IL1RAPL1: variants seen among roughly 807,000 people sequenced by gnomAD.
IL1RAPL1 encodes the protein interleukin-1 receptor accessory protein-like 1.
IL1RAPL1 carries 3 observed loss-of-function variants against 48.4 expected under a neutral mutation model. The ratio of observed to expected loss-of-function variants is 0.06; its 90% CI spans 0.03 to 0.16. IL1RAPL1 has a LOEUF of 0.16. IL1RAPL1 is among the 10% of genes least tolerant of loss of function. The probability of loss-of-function intolerance (pLI) is 1.00; values close to 1 mark genes in which losing one functional copy is unlikely to be tolerated. For synonymous variants in IL1RAPL1, 185 were observed against 187.7 expected (o/e 0.99, Z 0.12); for missense variants, 349 against 530.6 (o/e 0.66, Z 3.36).
At chrX:28,656,729 T>C (rs1312771910) in intron 1 of IL1RAPL1, among the ~76,000 whole-genome samples, 1 of 111,902 alleles carries the variant, frequency 8.9e-6, no homozygotes, top group African/African-American at 3.3e-5. Flanking sequence ...TATAAATTTG[T>C]TTATTAAGAT....
At chrX:28,901,372 T>C (rs1239230530) in intron 2 of IL1RAPL1, among the ~76,000 whole-genome samples, 3 of 112,407 alleles carry the variant, frequency 2.7e-5, no homozygotes, top group Non-Finnish European at 5.6e-5. Flanking sequence ...GTAATACATA[T>C]ATTATTTTCA....
At chrX:29,539,244 A>C (rs775502719) in intron 5 of IL1RAPL1, among the ~76,000 whole-genome samples, 1 of 112,007 alleles carries the variant, frequency 8.9e-6, no homozygotes, top group East Asian at 2.8e-4. Context: ...CTGGGATGCA[A>C]CGTTGGTTTA....
At position 29,430,591 on chromosome X, in the gene IL1RAPL1, ATATGTGTG is replaced by A. The variant is rs772059444; in HGVS notation, c.703+31285_703+31292del. Among the ~76,000 whole-genome samples the A allele has an allele frequency of 2.8e-4, 30 of 106,801 alleles. 1 individual carries two copies. Among genetic ancestry groups the A allele is most frequent in the African/African-American group, 1.0e-3 (29 of 29,077 alleles). The allele number at this position is 106,801 out of a possible 115,157, so 92.7% of individuals were successfully genotyped here. ...ACACTTTATATATGTGTATATATAT[ATATGTGTG>A]TGTGTGTGTGTGTGTGTATGTGTAT... On this transcript the variant is annotated intron_variant, in intron 5 of 10. Transcript: ENST00000378993.
intron 1 of IL1RAPL1, among the ~76,000 whole-genome samples, chrX:28,694,271 T>A (rs191353824): frequency 7.1e-5 from 8 of 112,385 alleles, no homozygotes; most frequent in African/African-American, 2.3e-4. Flanking sequence ...TACCTTGTCC[T>A]TTCTTCCTAA....
chrX:29,295,999 C>A (rs1158290404), intron 3 of IL1RAPL1, among the ~76,000 whole-genome samples: 1 of 111,672 alleles, frequency 9.0e-6, no homozygotes, highest in Non-Finnish European at 1.9e-5. Context: ...ATTGATTTCC[C>A]TAAGAGAAAA....
chrX:29,622,270 G>A (rs779761952), intron 5 of IL1RAPL1, among the ~76,000 whole-genome samples: 11 of 112,028 alleles, frequency 9.8e-5, no homozygotes, highest in African/African-American at 3.6e-4. Flanking sequence ...CATCACAATT[G>A]TGGATCAAAT....
chrX:29,666,923 A>T (rs1264553780), intron 5 of IL1RAPL1, among the ~76,000 whole-genome samples: 2 of 112,018 alleles, frequency 1.8e-5, no homozygotes, highest in Non-Finnish European at 3.8e-5. Context: ...AGAAATGTAG[A>T]TTTCCAACCT....
chrX:29,138,701 C>T (rs1288451549), intron 2 of IL1RAPL1, among the ~76,000 whole-genome samples: 3 of 105,851 alleles, frequency 2.8e-5, no homozygotes, highest in East Asian at 2.9e-4. Context: ...CGCTTGAACC[C>T]GGGAGGCGGA....
At chrX:29,653,949 CT>C (rs58335026) in intron 5 of IL1RAPL1, among the ~76,000 whole-genome samples, 100 of 85,318 alleles carry the variant, frequency 1.2e-3, no homozygotes, top group African/African-American at 3.6e-3. Context: ...TATTTTTTGG[CT>C]GTATCCAGGA....
intron 6 of IL1RAPL1, among the ~76,000 whole-genome samples, chrX:29,698,585 A>AGAAG (rs1926974245): frequency 9.7e-6 from 1 of 103,149 alleles, no homozygotes; most frequent in East Asian, 3.7e-4. Context: ...ATAGAAGGAT[A>AGAAG]GAAGGAAGGG....
At chrX:29,405,298 A>T (rs1442181394) in intron 5 of IL1RAPL1, among the ~76,000 whole-genome samples, 6 of 108,299 alleles carry the variant, frequency 5.5e-5, no homozygotes, top group Admixed American at 9.8e-5. Flanking sequence ...ATGGTTTTTG[A>T]TGAGATGTTC....
intron 2 of IL1RAPL1, among the ~76,000 whole-genome samples, chrX:28,830,010 G>A (rs1921007714): frequency 9.0e-6 from 1 of 111,208 alleles, no homozygotes; most frequent in African/African-American, 3.3e-5. Context: ...CATAATATAT[G>A]CTTTTTATAT....
intron 1 of IL1RAPL1, among the ~76,000 whole-genome samples, chrX:28,649,781 G>T (rs948429595): frequency 8.9e-5 from 10 of 112,034 alleles, no homozygotes; most frequent in African/African-American, 3.2e-4. Context: ...ACAGATGAAG[G>T]CAGTCCCATC....
intron 2 of IL1RAPL1, among the ~76,000 whole-genome samples, chrX:29,024,186 T>C (rs1926433277): frequency 8.9e-6 from 1 of 111,900 alleles, no homozygotes; most frequent in African/African-American, 3.2e-5. Flanking sequence ...ATCTCAGCTA[T>C]TGTGCAATGG....
intron 2 of IL1RAPL1, among the ~76,000 whole-genome samples, chrX:29,160,649 G>A (rs1929664059): frequency 8.9e-6 from 1 of 112,210 alleles, no homozygotes; most frequent in African/African-American, 3.2e-5. Flanking sequence ...CCTACTAAGT[G>A]CCAACAACTA....
At chrX:28,949,805 ATTTG>A (rs1339810196) in intron 2 of IL1RAPL1, among the ~76,000 whole-genome samples, 3 of 109,070 alleles carry the variant, frequency 2.8e-5, no homozygotes, top group African/African-American at 1.0e-4. Context: ...TTTCTTGTAA[ATTTG>A]TTTGAGTTCA....
intron 1 of IL1RAPL1, among the ~76,000 whole-genome samples, chrX:28,734,394 T>C (rs974628102): frequency 1.8e-5 from 2 of 111,484 alleles, no homozygotes; most frequent in Non-Finnish European, 3.8e-5. Context: ...GTAATTTGTG[T>C]TACTCTAGCC....
intron 1 of IL1RAPL1, among the ~76,000 whole-genome samples, chrX:28,702,436 G>T (rs779664048): frequency 8.9e-6 from 1 of 111,928 alleles, no homozygotes; most frequent in Non-Finnish European, 1.9e-5. Context: ...CAGATTGGAA[G>T]AACTATAATT....
At position 28,827,993 on chromosome X, in the gene IL1RAPL1, A is replaced by G. The variant is rs180906276; in HGVS notation, c.82+38568A>G. On this transcript the variant is annotated intron_variant, in intron 2 of 10. Transcript: ENST00000378993. ...TTTCTGATTTGTATGTGTCTCCACT[A>G]GTTTACTCTTCTTTTTTTTGACCTG... 1.8e-3 allele frequency among the ~76,000 whole-genome samples: 206 copies of G among 111,800 alleles called. 1 individual carries two copies. Among genetic ancestry groups the G allele is most frequent in the African/African-American group, 6.5e-3 (200 of 30,866 alleles).
Sources: allele counts gnomAD v4.1 joint callset (sites outside exome capture counted in the v4.1 genomes callset), GRCh38; gene constraint gnomAD v4.1.1; transcripts MANE v1.5; gene names NCBI Gene and HGNC (gene_info 2026-07-23, HGNC 2026-07-21).